UMPS: variants seen among roughly 807,000 people sequenced by gnomAD.
UMPS encodes the protein uridine monophosphate synthetase, also known as uridine 5'-monophosphate synthase.
Under a neutral mutation model 38.9 loss-of-function variants are expected in UMPS, and 21 were observed. The observed-to-expected ratio is 0.54, with a 90% CI of 0.38 to 0.78. UMPS has a LOEUF of 0.78. Ranked by LOEUF, UMPS falls within the 30% of genes least tolerant of loss-of-function variation. The pLI, the probability that UMPS is intolerant of heterozygous loss-of-function variation, is 0.00. For missense variants in UMPS, 533 were observed against 591.6 expected, an observed-to-expected ratio of 0.90 and a Z score of 1.03; for synonymous variants, 208 against 219.3, an observed-to-expected ratio of 0.95 and a Z score of 0.45.
chr3:124,738,402 A>G (rs2063532998), intron 3 of UMPS, 163 bp downstream of exon 3: 2 of 715,706 alleles, frequency 2.8e-6, no homozygotes, highest in Admixed American at 2.3e-5. Flanking sequence ...CTTTCTCTCC[A>G]TCTCTCAGCT....
chr3:124,738,032 G>C lies in UMPS; in HGVS notation c.775G>C (p.Asp259His). The C allele has an allele frequency of 6.2e-7, 1 of 1,614,222 alleles. No individual in the cohort carries two copies. Among genetic ancestry groups the C allele is most frequent in the Non-Finnish European group, 8.5e-7 (1 of 1,180,040 alleles). The change falls in exon 3 of 6, where the codon GAT (aspartate) becomes CAT (histidine). Residue 259 changes from aspartate to histidine, a missense_variant. By Grantham distance (81) the Asp-to-His change is moderately conservative (BLOSUM62 -1). Transcript: ENST00000232607. The stretch of plus-strand genomic sequence containing the variant: ...GGAGACCAATCTGTGTCTATCTGCT[G>C]ATGTTTCACTGGCCAGAGAGCTGTT... Reference protein sequence around the residue: ...KKETNLCLSADVSLARELLQL... With the variant: ...KKETNLCLSAHVSLARELLQL...
In UMPS at chr3:124,745,045, A is replaced by C. The variant is rs1220848898; in HGVS notation, c.*961A>C. 2.2e-6 allele frequency: 1 copy of C among 454,154 alleles called. No homozygotes were observed. The highest frequency in any genetic ancestry group is 2.3e-5 in the Admixed American group (1 of 42,584). The allele number at this position is 454,154 out of a possible 1,614,324, so 28.1% of individuals were successfully genotyped here. On this transcript the variant is annotated 3_prime_UTR_variant, in exon 6 of 6. Coordinates refer to ENST00000232607, the MANE Select transcript of UMPS (RefSeq NM_000373.4). ...GCAATTATGGACCAGTAGTAACACA[A>C]GTGACAGCTTCCTGTGACTGACTTC... is the stretch of plus-strand genomic sequence containing the variant.
At chr3:124,741,628 A>G (rs1049847280) in intron 4 of UMPS, among the ~76,000 whole-genome samples, 1 of 152,182 alleles carries the variant, frequency 6.6e-6, no homozygotes, top group African/African-American at 2.4e-5. Context: ...TCATACCATT[A>G]TAATATGTTC....
chr3:124,743,676 A>G (rs1347430993), intron 5 of UMPS, among the ~76,000 whole-genome samples: 1 of 151,948 alleles, frequency 6.6e-6, no homozygotes, highest in East Asian at 1.9e-4. Flanking sequence ...ATAAATAAAT[A>G]AATAAAATAA....
intron 5 of UMPS, among the ~76,000 whole-genome samples, chr3:124,743,363 C>T (rs919481430): frequency 1.4e-5 from 2 of 148,050 alleles, no homozygotes; most frequent in South Asian, 2.2e-4. Context: ...TAGGGCGGGG[C>T]GCAGTAGCTC....
chr3:124,748,769 C>A lies in UMPS; in HGVS notation c.*4685C>A, dbSNP rs1219980145. 1 of 414,326 alleles carries A rather than the reference C, an allele frequency of 2.4e-6. No individual in the cohort carries two copies. The highest frequency in any genetic ancestry group is 1.8e-5 in the South Asian group (1 of 55,934). 25.7% of individuals were successfully genotyped at this position (414,326 alleles called of 1,614,324 possible). ...CCAGAGATCCCTCGCCCCAGCTCGG[C>A]CATGTGTGTCTGGGACAGAGCCTGA... is the stretch of plus-strand genomic sequence containing the variant. On this transcript the variant is annotated 3_prime_UTR_variant, in exon 6 of 6. Transcript: ENST00000232607.
In UMPS at chr3:124,738,255, A is replaced by C. The variant is rs1221952350; in HGVS notation, c.982+16A>C. On this transcript the variant is annotated intron_variant, in intron 3 of 5. Coordinates refer to ENST00000232607, the MANE Select transcript of UMPS (RefSeq NM_000373.4). ...CAGTATGAAGGTAAGTGTATTATTC[A>C]GGAATCTGCAAGAATCAGAAATCCA... 6.2e-7 allele frequency: 1 copy of C among 1,612,398 alleles called. No individual in the cohort carries two copies. The highest frequency in any genetic ancestry group is 2.2e-5 in the East Asian group (1 of 44,894).
At position 124,743,992 on chromosome 3, in the gene UMPS, C is replaced by G. The variant is rs773243224; in HGVS notation, c.1351C>G (p.Arg451Gly). ...KRGSDIIIVG[R>G]GIISAADRLE... ...AGGTTCCGATATCATCATTGTAGGT[C>G]GTGGCATAATCTCAGCAGCTGATCG... The change falls in exon 6 of 6, where the codon CGT (arginine) becomes GGT (glycine). Residue 451 changes from arginine to glycine, a missense_variant. Physicochemically the swap from Arg to Gly is moderately radical, Grantham distance 125 (BLOSUM62 -2). Coordinates refer to ENST00000232607, the MANE Select transcript of UMPS (RefSeq NM_000373.4). 1.9e-6 allele frequency: 3 copies of G among 1,614,132 alleles called. No individual in the cohort carries two copies. Among genetic ancestry groups the G allele is most frequent in the South Asian group, 2.2e-5 (2 of 91,074 alleles).
rs2063581635 is a variant in UMPS at position 124,744,460 on chromosome 3, G to A, written c.*376G>A. 8 of 454,342 alleles carry A rather than the reference G, an allele frequency of 1.8e-5. No individual in the cohort carries two copies. The highest frequency in any genetic ancestry group is 1.2e-4 in the South Asian group (8 of 64,460). The allele number at this position is 454,342 out of a possible 1,614,324, so 28.1% of individuals were successfully genotyped here. ...GACAGGATCTCACTCTGTTGCCCAG[G>A]ATGGAGTGCAGTGGTGAGATCACGG... On this transcript the variant is annotated 3_prime_UTR_variant, in exon 6 of 6. Transcript: ENST00000232607.
In UMPS at chr3:124,737,552, A is replaced by T; in HGVS notation, c.311-16A>T. ...CATATTTAAATTTGGAATCAGCAAA[A>T]TTTTTTCTTTTCTAGGAACTAAGCG... On this transcript the variant is annotated splice_polypyrimidine_tract_variant and intron_variant, in intron 2 of 5. Coordinates refer to ENST00000232607, the MANE Select transcript of UMPS (RefSeq NM_000373.4). 6.2e-7 allele frequency: 1 copy of T among 1,613,982 alleles called. No individual in the cohort carries two copies. Among genetic ancestry groups the T allele is most frequent in the Non-Finnish European group, 8.5e-7 (1 of 1,179,964 alleles).
At position 124,730,525 on chromosome 3, in the gene UMPS, G is replaced by T. The variant is rs1245795852; in HGVS notation, c.54G>T (p.Val18=). 7 of 1,614,152 alleles carry T rather than the reference G, an allele frequency of 4.3e-6. No homozygotes were observed. The highest frequency in any genetic ancestry group is 2.2e-5 in the East Asian group (1 of 44,884). Residue 18 remains valine, a synonymous_variant, in exon 1 of 6, where the codon GTG becomes GTT. Coordinates refer to ENST00000232607, the MANE Select transcript of UMPS (RefSeq NM_000373.4). The part of the protein sequence containing the change: ...LGPLVTGLYD[V]QAFKFGDFVL... ...CATTGGTGACGGGTCTGTACGACGT[G>T]CAGGCTTTCAAGTTTGGGGACTTCG...
chr3:124,733,075 C>T (rs1377873672), intron 1 of UMPS, among the ~76,000 whole-genome samples: 1 of 150,780 alleles, frequency 6.6e-6, no homozygotes, highest in East Asian at 1.9e-4. Flanking sequence ...ACATCTTATG[C>T]GAATAGAATT....
intron 5 of UMPS, chr3:124,742,629 G>T: frequency 5.3e-6 from 1 of 187,940 alleles, no homozygotes. Context: ...TTAGGGTCTA[G>T]GCTTTTAAGA....
At chr3:124,735,379 T>C in intron 2 of UMPS, 133 bp downstream of exon 2, 1 of 838,860 alleles carries the variant, frequency 1.2e-6, no homozygotes, top group Admixed American at 2.6e-5. Flanking sequence ...TTGTAGAATT[T>C]ATAATTGTTA....
intron 4 of UMPS, 63 bp downstream of exon 4, chr3:124,740,262 A>G (rs2063547756): frequency 4.0e-6 from 6 of 1,496,666 alleles, no homozygotes; most frequent in African/African-American, 1.4e-5. Context: ...CTGCAAGAAG[A>G]TATCTCCTAA....
chr3:124,747,081 CTTG>C lies in UMPS; in HGVS notation c.*2998_*3000del. ...GGAGTATATCATGGCTCACTGCAAC[CTTG>C]ACTTGGGCTCAAGCGATCCGCTCAA... On this transcript the variant is annotated 3_prime_UTR_variant, in exon 6 of 6. Transcript: ENST00000232607. The C allele has an allele frequency of 2.2e-6, 1 of 453,664 alleles. No homozygotes were observed. Among genetic ancestry groups the C allele is most frequent in the South Asian group, 1.6e-5 (1 of 64,420 alleles). 28.1% of individuals were successfully genotyped at this position (453,664 alleles called of 1,614,324 possible).
rs1260695327 is a variant in UMPS, at chr3:124,744,176, C to G, written c.*92C>G. On this transcript the variant is annotated 3_prime_UTR_variant, in exon 6 of 6. Coordinates refer to ENST00000232607, the MANE Select transcript of UMPS (RefSeq NM_000373.4). Reference sequence around the variant, plus strand: ...ACTGGCTGGAAATAATCCAATTATTCCTGCTTGGATTCTTCCACAGGGCCT... The same window carrying G: ...ACTGGCTGGAAATAATCCAATTATTGCTGCTTGGATTCTTCCACAGGGCCT... 4.7e-6 allele frequency: 7 copies of G among 1,480,992 alleles called. No individual in the cohort carries two copies. Among genetic ancestry groups the G allele is most frequent in the African/African-American group, 1.4e-5 (1 of 72,122 alleles). The allele number at this position is 1,480,992 out of a possible 1,614,324, so 91.7% of individuals were successfully genotyped here. A position where few individuals can be genotyped will look rare whatever the true frequency, so the allele number is the denominator to read the frequency against.
chr3:124,746,809 G>C lies in UMPS; in HGVS notation c.*2725G>C. On this transcript the variant is annotated 3_prime_UTR_variant, in exon 6 of 6. Transcript: ENST00000232607. Reference sequence around the variant, plus strand: ...TGTGTGTGTGTGTGCATGCGCGCGCGTGCGCACTGGAGGAACCTAAGAAAC... The same window carrying C: ...TGTGTGTGTGTGTGCATGCGCGCGCCTGCGCACTGGAGGAACCTAAGAAAC... The C allele has an allele frequency of 2.2e-6, 1 of 449,182 alleles. No homozygotes were observed. Among genetic ancestry groups the C allele is most frequent in the Middle Eastern group, 7.0e-4 (1 of 1,428 alleles). The allele number at this position is 449,182 out of a possible 1,614,324, so 27.8% of individuals were successfully genotyped here.
At position 124,745,445 on chromosome 3, in the gene UMPS, C is replaced by T. The variant is rs1258820282; in HGVS notation, c.*1361C>T. 6.6e-6 allele frequency: 3 copies of T among 453,498 alleles called. No individual in the cohort carries two copies. The Admixed American group carries it at 7.1e-5, about 11-fold the overall frequency. The allele number at this position is 453,498 out of a possible 1,614,324, so 28.1% of individuals were successfully genotyped here. On this transcript the variant is annotated 3_prime_UTR_variant, in exon 6 of 6. Coordinates refer to ENST00000232607, the MANE Select transcript of UMPS (RefSeq NM_000373.4). ...GTGGCACGATCTCGGCTCACTGCAA[C>T]TTCTGCCTCTCTGGTTCAAGCAGTT...
Sources: allele counts gnomAD v4.1 joint callset (sites outside exome capture counted in the v4.1 genomes callset), GRCh38; gene constraint gnomAD v4.1.1; transcripts MANE v1.5; gene names NCBI Gene and HGNC (gene_info 2026-07-23, HGNC 2026-07-21).